The following ATXN1 variants were observed in gnomAD, a reference collection of about 807,000 sequenced individuals.
ATXN1 encodes the protein ataxin 1.
Under a neutral mutation model 56.4 loss-of-function variants are expected in ATXN1, and 8 were observed. The ratio of observed to expected loss-of-function variants is 0.14; its 90% CI spans 0.08 to 0.26. The LOEUF is 0.26. Ranked by LOEUF, ATXN1 falls within the 10% of genes least tolerant of loss-of-function variation. The pLI, the probability that ATXN1 is intolerant of heterozygous loss-of-function variation, is 1.00. For missense variants in ATXN1, 987 were observed against 1,106.5 expected, an observed-to-expected ratio of 0.89 and a Z score of 1.53; for synonymous variants, 514 against 494.6, an observed-to-expected ratio of 1.04 and a Z score of -0.52.
intron 6 of ATXN1, among the ~76,000 whole-genome samples, chr6:16,458,097 T>C (rs1242533991): frequency 6.6e-6 from 1 of 152,200 alleles, no homozygotes; most frequent in African/African-American, 2.4e-5. Context: ...AATGCAGCTT[T>C]AGCTGCAGCC....
At chr6:16,673,179 AAC>A (rs1383558645) in intron 2 of ATXN1, among the ~76,000 whole-genome samples, 10 of 81,688 alleles carry the variant, frequency 1.2e-4, no homozygotes, top group Non-Finnish European at 2.5e-4. Flanking sequence ...GTCAGATAAA[AAC>A]AGTTGCTTTA....
At chr6:16,581,208 T>C (rs1279601120) in intron 4 of ATXN1, among the ~76,000 whole-genome samples, 1 of 136,618 alleles carries the variant, frequency 7.3e-6, no homozygotes, top group Non-Finnish European at 1.6e-5. Context: ...TGTGTGTGTG[T>C]GTGTGTGTGT....
intron 6 of ATXN1, among the ~76,000 whole-genome samples, chr6:16,447,425 T>C (rs1447420949): frequency 1.3e-5 from 2 of 152,138 alleles, no homozygotes; most frequent in Non-Finnish European, 2.9e-5. Context: ...GGTTTCACCA[T>C]GTTGGCCAGG....
At chr6:16,747,205 T>C (rs1176037993) in intron 2 of ATXN1, among the ~76,000 whole-genome samples, 3 of 152,236 alleles carry the variant, frequency 2.0e-5, no homozygotes, top group African/African-American at 7.2e-5. Flanking sequence ...TTTGGAAAAC[T>C]GCACGCTGCT....
intron 6 of ATXN1, among the ~76,000 whole-genome samples, chr6:16,372,971 A>G (rs996920517): frequency 3.2e-4 from 39 of 122,512 alleles, no homozygotes; most frequent in African/African-American, 1.0e-3. Flanking sequence ...ACAAACAAAT[A>G]AATGAACCTG....
At chr6:16,586,391 T>G (rs1167129858) in intron 3 of ATXN1, among the ~76,000 whole-genome samples, 1 of 152,212 alleles carries the variant, frequency 6.6e-6, no homozygotes, top group Non-Finnish European at 1.5e-5. Flanking sequence ...TCACTTTCAC[T>G]TTTGAAACTA....
chr6:16,495,379 GAC>G (rs1287024164), intron 5 of ATXN1, among the ~76,000 whole-genome samples: 1 of 152,194 alleles, frequency 6.6e-6, no homozygotes, highest in African/African-American at 2.4e-5. Context: ...AAAATGAAGA[GAC>G]AGAATCCACA....
chr6:16,340,034 G>T lies in ATXN1; in HGVS notation c.-160-11564C>A, dbSNP rs774032989. Among the ~76,000 whole-genome samples the T allele has an allele frequency of 9.9e-5, 15 of 152,170 alleles. 1 individual carries two copies. The highest frequency in any genetic ancestry group is 9.8e-4 in the Admixed American group (15 of 15,282). On this transcript the variant is annotated intron_variant, in intron 6 of 7. Transcript: ENST00000436367. ...TTGACTTCGCGGTCTGCCCACCTCGGCCTCCCAAAGTGCTGGGATTACAGG... is the reference window on the plus strand; with the variant it reads ...TTGACTTCGCGGTCTGCCCACCTCGTCCTCCCAAAGTGCTGGGATTACAGG...
At chr6:16,478,846 A>G (rs1760379470) in intron 6 of ATXN1, among the ~76,000 whole-genome samples, 1 of 152,188 alleles carries the variant, frequency 6.6e-6, no homozygotes, top group Non-Finnish European at 1.5e-5. Flanking sequence ...TTATTTCCAG[A>G]TGCACAAAGG....
At chr6:16,724,297 G>T (rs563532261) in intron 2 of ATXN1, among the ~76,000 whole-genome samples, 1 of 151,254 alleles carries the variant, frequency 6.6e-6, no homozygotes, top group East Asian at 1.9e-4. Context: ...GTCTCCAAAA[G>T]AATTTTTTAG....
intron 2 of ATXN1, among the ~76,000 whole-genome samples, chr6:16,729,676 C>A (rs1581399735): frequency 6.6e-6 from 1 of 152,214 alleles, no homozygotes; most frequent in South Asian, 2.1e-4. Flanking sequence ...AACCTACCAA[C>A]AACTGGTTTA....
intron 5 of ATXN1, among the ~76,000 whole-genome samples, chr6:16,493,453 T>G (rs1307967982): frequency 4.0e-5 from 6 of 151,256 alleles, no homozygotes; most frequent in South Asian, 4.2e-4. Flanking sequence ...GAAGTTTTTT[T>G]TTTTTTTTTT....
At chr6:16,380,889 G>C (rs935755215) in intron 6 of ATXN1, among the ~76,000 whole-genome samples, 1 of 152,184 alleles carries the variant, frequency 6.6e-6, no homozygotes, top group Non-Finnish European at 1.5e-5. Flanking sequence ...TAATACCTCT[G>C]AATGTGAACT....
intron 5 of ATXN1, among the ~76,000 whole-genome samples, chr6:16,519,471 G>A (rs1466560351): frequency 6.6e-6 from 1 of 152,198 alleles, no homozygotes; most frequent in African/African-American, 2.4e-5. Flanking sequence ...CCCAGAAGAT[G>A]AGAAATGGGT....
At position 16,524,764 on chromosome 6, in the gene ATXN1, A is replaced by G. The variant is rs1396533090; in HGVS notation, c.-360-2076T>C. On this transcript the variant is annotated intron_variant, in intron 4 of 7. Transcript: ENST00000436367. Reference sequence around the variant, plus strand: ...GACTTTGGTGACTTAATAATTTGCCAGAATGTGACTGGGCGTGGTGGCTCA... The same window carrying G: ...GACTTTGGTGACTTAATAATTTGCCGGAATGTGACTGGGCGTGGTGGCTCA... Among the ~76,000 whole-genome samples, 421 of 152,344 alleles carry G rather than the reference A, an allele frequency of 2.8e-3. 4 individuals are homozygous for G. Among genetic ancestry groups the G allele is most frequent in the African/African-American group, 9.7e-3 (403 of 41,576 alleles).
chr6:16,612,309 T>C (rs1488316241), intron 3 of ATXN1, among the ~76,000 whole-genome samples: 2 of 152,184 alleles, frequency 1.3e-5, no homozygotes, highest in Admixed American at 1.3e-4. Flanking sequence ...GAATCCTGTA[T>C]TGGAACATAA....
intron 2 of ATXN1, among the ~76,000 whole-genome samples, chr6:16,733,584 G>A (rs1415991979): frequency 5.3e-5 from 8 of 151,176 alleles, no homozygotes; most frequent in Non-Finnish European, 1.0e-4. Context: ...AAAAGAAACA[G>A]GCCAGGCATG....
chr6:16,619,823 G>A (rs749723831), intron 3 of ATXN1, among the ~76,000 whole-genome samples: 8 of 151,276 alleles, frequency 5.3e-5, no homozygotes, highest in African/African-American at 1.2e-4. Context: ...GGCAAGGATC[G>A]CTTGAGCCCA....
chr6:16,543,501 G>C (rs1761754663), intron 4 of ATXN1, among the ~76,000 whole-genome samples: 4 of 151,878 alleles, frequency 2.6e-5, no homozygotes, highest in Admixed American at 2.6e-4. Context: ...AGTATGCCAA[G>C]AGAAAAAAGA....
Sources: allele counts gnomAD v4.1 joint callset (sites outside exome capture counted in the v4.1 genomes callset), GRCh38; gene constraint gnomAD v4.1.1; transcripts MANE v1.5; gene names NCBI Gene and HGNC (gene_info 2026-07-23, HGNC 2026-07-21).